The following ANTXRL variants were observed in gnomAD, a reference collection of about 807,000 sequenced individuals.
ANTXRL encodes anthrax toxin receptor-like.
A neutral mutation model predicts 75.4 loss-of-function variants in ANTXRL; 63 were observed. That is an observed-to-expected ratio of 0.84 (90% CI 0.68 to 1.03). ANTXRL has a LOEUF of 1.03. Ranked by LOEUF, ANTXRL falls within the 50% of genes least tolerant of loss-of-function variation. The probability of loss-of-function intolerance (pLI) is 0.00; values close to 1 mark genes in which losing one functional copy is unlikely to be tolerated. For synonymous variants in ANTXRL, 335 were observed against 291.3 expected, an observed-to-expected ratio of 1.15 and a Z score of -1.53; for missense variants, 797 against 789.4, an observed-to-expected ratio of 1.01 and a Z score of -0.12.
chr10:46,309,123 G>A lies in ANTXRL; in HGVS notation c.1055G>A (p.Arg352His), dbSNP rs541589647. ...SITSTTCGIF[R>H]NWLYFVPLLL... ...CTCTTTCTCCACCAGGGCATTTTCC[G>A]CAACTGGCTCTATTTTGTGCCACTC... Residue 352 changes from arginine (R) to histidine (H), a missense_variant, in exon 13 of 17, where the codon CGC becomes CAC. Physicochemically the swap from Arg to His is conservative, Grantham distance 29 (BLOSUM62 0). Around this residue, in one of 3 missense-constraint regions of ANTXRL, gnomAD observed 479 missense variants for 422.0 expected, o/e 1.14. Transcript: ENST00000620264. 3.5e-5 allele frequency: 54 copies of A among 1,526,340 alleles called. No individual in the cohort carries two copies. The highest frequency in any genetic ancestry group is 1.7e-4 in the African/African-American group (11 of 65,136). 94.5% of individuals were successfully genotyped at this position (1,526,340 alleles called of 1,614,324 possible).
chr10:46,293,273 TGTGTGAGA>T lies in ANTXRL; in HGVS notation c.321-550_321-543del, dbSNP rs1458308910. 4.2e-5 allele frequency among the ~76,000 whole-genome samples: 4 copies of T among 95,064 alleles called. No homozygotes were observed. The Admixed American group carries it at 4.3e-4, about 10-fold the overall frequency. The allele number at this position is 95,064 out of a possible 152,430, so 62.4% of individuals were successfully genotyped here. On this transcript the variant is annotated intron_variant, in intron 2 of 16. Transcript: ENST00000620264. Reference sequence around the variant, plus strand: ...GTGGGGGGGTGTGTATACCTGTGCGTGTGTGAGAGTGTGTGCGTGTGTGCCTGTGTGTG... The same window carrying T: ...GTGGGGGGGTGTGTATACCTGTGCGTGTGTGTGCGTGTGTGCCTGTGTGTG...
chr10:46,317,208 C>A (rs1022074503), intron 16 of ANTXRL, among the ~76,000 whole-genome samples: 3 of 152,140 alleles, frequency 2.0e-5, no homozygotes, highest in Admixed American at 6.5e-5. Context: ...ATATATGCCA[C>A]AGGACCTTAA....
At chr10:46,296,282 T>C (rs1554958658) in intron 5 of ANTXRL, 30 bp downstream of exon 5, 12 of 1,533,922 alleles carry the variant, frequency 7.8e-6, no homozygotes, top group East Asian at 4.9e-5. Context: ...CTGGTGGTCC[T>C]GTAGGGGGAA....
At chr10:46,311,417 T>C in intron 14 of ANTXRL, 93 bp from the exon 15 acceptor site, 1 of 1,411,710 alleles carries the variant, frequency 7.1e-7, no homozygotes, top group Non-Finnish European at 9.2e-7. Flanking sequence ...TGGGTTTCTT[T>C]CTGGTCCTTT....
At chr10:46,325,693 G>A (rs782807806) in intron 16 of ANTXRL, among the ~76,000 whole-genome samples, 3 of 152,078 alleles carry the variant, frequency 2.0e-5, no homozygotes, top group Non-Finnish European at 2.9e-5. Flanking sequence ...ATCTGAAACT[G>A]GTTCCTCCTG....
chr10:46,295,881 G>C, intron 3 of ANTXRL, 138 bp from the exon 4 acceptor site: 1 of 725,496 alleles, frequency 1.4e-6, no homozygotes. Context: ...GAGGAATGAG[G>C]AGGACAAAGC....
rs1248950834 is a variant in ANTXRL, at chr10:46,299,638, T to G, written c.796+1576T>G. Among the ~76,000 whole-genome samples, 2 of 152,104 alleles carry G rather than the reference T, an allele frequency of 1.3e-5. 1 individual carries two copies. Among genetic ancestry groups the G allele is most frequent in the Non-Finnish European group, 2.9e-5 (2 of 68,022 alleles). ...TCCTCACTGCAGGGTGTCCTGGCGG[T>G]AGGCTGTGGGGACAGACACACCGTA... is the stretch of plus-strand genomic sequence containing the variant. On this transcript the variant is annotated intron_variant, in intron 9 of 16. Coordinates refer to ENST00000620264, the MANE Select transcript of ANTXRL (RefSeq NM_001278688.3).
At chr10:46,295,616 T>TAGAGTTAGAGTTAGAGTTAGAGTC (rs1554958368) in intron 3 of ANTXRL, among the ~76,000 whole-genome samples, 1 of 147,958 alleles carries the variant, frequency 6.8e-6, no homozygotes, top group Admixed American at 6.9e-5. Flanking sequence ...GAGTTAGAGT[T>TAGAGTTAGAGTTAGAGTTAGAGTC]AGAGTTAGGA....
chr10:46,301,886 G>T lies in ANTXRL; in HGVS notation c.797-836G>T, dbSNP rs142271397. On this transcript the variant is annotated intron_variant, in intron 9 of 16. Transcript: ENST00000620264. ...CGTGGGGCCTGGGCCAGGAGGCAGG[G>T]GTGGAGGCCAATGCCCTTGGCAGCT... is the stretch of plus-strand genomic sequence containing the variant. 3.4e-3 allele frequency among the ~76,000 whole-genome samples: 515 copies of T among 152,320 alleles called. 2 individuals carry two copies. Among genetic ancestry groups the T allele is most frequent in the African/African-American group, 0.012 (498 of 41,564 alleles).
chr10:46,326,619 A>G (rs1480275355), intron 16 of ANTXRL, among the ~76,000 whole-genome samples: 1 of 152,122 alleles, frequency 6.6e-6, no homozygotes, highest in Non-Finnish European at 1.5e-5. Context: ...TGGGCCTTAT[A>G]GTCTGGGTGG....
At chr10:46,293,072 T>A (rs1837071097) in intron 2 of ANTXRL, 1 of 152,584 alleles carries the variant, frequency 6.6e-6, no homozygotes, top group South Asian at 2.1e-4. Flanking sequence ...GAGGGCTGTA[T>A]GTGCATCTCC....
In ANTXRL at chr10:46,310,620, G is replaced by A. The variant is rs1379403090; in HGVS notation, c.1173+121G>A. The stretch of plus-strand genomic sequence containing the variant: ...CTGCTTGAGCAGAGAAGTTGACAGA[G>A]GGGCAGAATGGAGCCTGAGAAGATG... On this transcript the variant is annotated intron_variant, in intron 14 of 16. Transcript: ENST00000620264. 4.5e-5 allele frequency: 48 copies of A among 1,057,976 alleles called. 1 individual carries two copies. Among genetic ancestry groups the A allele is most frequent in the Non-Finnish European group, 6.4e-5 (46 of 717,182 alleles). 65.5% of individuals were successfully genotyped at this position (1,057,976 alleles called of 1,614,324 possible).
chr10:46,306,761 A>C, intron 10 of ANTXRL, 42 bp from the exon 11 acceptor site: 1 of 1,463,538 alleles, frequency 6.8e-7, no homozygotes, highest in South Asian at 1.3e-5. Flanking sequence ...AACAGTGGAC[A>C]GACAGGTGCA....
intron 5 of ANTXRL, among the ~76,000 whole-genome samples, chr10:46,296,625 G>T (rs137895328): frequency 1.4e-4 from 21 of 152,110 alleles, no homozygotes; most frequent in South Asian, 6.2e-4. Flanking sequence ...CCCTGACCCT[G>T]TCTCATATGG....
intron 16 of ANTXRL, among the ~76,000 whole-genome samples, chr10:46,325,553 T>C (rs1386010656): frequency 6.6e-6 from 1 of 152,134 alleles, no homozygotes; most frequent in African/African-American, 2.4e-5. Context: ...TTAATTGAAC[T>C]GCCAAGTTCA....
chr10:46,294,949 T>C (rs1175991811), intron 3 of ANTXRL, among the ~76,000 whole-genome samples: 1 of 152,080 alleles, frequency 6.6e-6, no homozygotes, highest in Admixed American at 6.5e-5. Flanking sequence ...GCCTGTCACA[T>C]TGAATTAGCC....
intron 11 of ANTXRL, 29 bp from the exon 12 acceptor site, chr10:46,307,373 T>C: frequency 2.0e-6 from 3 of 1,486,764 alleles, no homozygotes; most frequent in Non-Finnish European, 2.7e-6. Context: ...CTGGACTGGC[T>C]CTCACCATCT....
At position 46,302,705 on chromosome 10, in the gene ANTXRL, G is replaced by C. The variant is rs1554960856; in HGVS notation, c.797-17G>C. On this transcript the variant is annotated splice_polypyrimidine_tract_variant and intron_variant, in intron 9 of 16. Coordinates refer to ENST00000620264, the MANE Select transcript of ANTXRL (RefSeq NM_001278688.3). ...CCTACTCTTCCTCACTCAGCCTTTT[G>C]AATGTTGTCCTTGCAGAACCCTACC... The C allele has an allele frequency of 2.0e-6, 3 of 1,523,924 alleles. No homozygotes were observed. The East Asian group carries it at 7.3e-5, about 37-fold the overall frequency. The allele number at this position is 1,523,924 out of a possible 1,614,324, so 94.4% of individuals were successfully genotyped here.
chr10:46,311,783 T>C, intron 15 of ANTXRL, 118 bp downstream of exon 15: 1 of 568,726 alleles, frequency 1.8e-6, no homozygotes, highest in Non-Finnish European at 3.1e-6. Flanking sequence ...CTACAGGGGC[T>C]GGACTTTGGA....
Sources: gnomAD v4.1 joint callset for allele counts (sites outside exome capture counted in the v4.1 genomes callset) on GRCh38, gnomAD v4.1.1 for gene constraint, gnomAD v4.1.1 regional missense constraint, MANE v1.5 for transcripts, NCBI Gene and HGNC (gene_info 2026-07-23, HGNC 2026-07-21) for gene names.